ATOSA: variants seen among roughly 807,000 people sequenced by gnomAD.
ATOSA encodes the protein atos homolog A.
the ATOSA span, among the ~76,000 whole-genome samples, chr15:52,593,014 G>A: frequency 6.6e-6 from 1 of 152,048 alleles, no homozygotes; most frequent in Non-Finnish European, 1.5e-5. Context: ...GCATGGTGGC[G>A]CATATCTGTA....
chr15:52,643,349 T>C, the ATOSA span, among the ~76,000 whole-genome samples: 1 of 152,132 alleles, frequency 6.6e-6, no homozygotes, highest in African/African-American at 2.4e-5. Flanking sequence ...TGGAGTACAG[T>C]GGCACAATCA....
chr15:52,634,389 G>A, the ATOSA span, among the ~76,000 whole-genome samples: 1 of 151,982 alleles, frequency 6.6e-6, no homozygotes, highest in Admixed American at 6.6e-5. Context: ...GGGTGACAAA[G>A]CGAGGAAAAA....
chr15:52,591,849 G>T, the ATOSA span, among the ~76,000 whole-genome samples: 1 of 152,188 alleles, frequency 6.6e-6, no homozygotes, highest in Non-Finnish European at 1.5e-5. Flanking sequence ...GGGCAGGTTT[G>T]TGAAGGGGGC....
the ATOSA span, among the ~76,000 whole-genome samples, chr15:52,636,487 C>G: frequency 6.6e-6 from 1 of 152,130 alleles, no homozygotes; most frequent in Admixed American, 6.5e-5. Context: ...TCCCGTACAA[C>G]TGGGAATATA....
At chr15:52,676,517 G>GA in the ATOSA span, among the ~76,000 whole-genome samples, 11,801 of 150,126 alleles carry the variant, frequency 0.079, 734 homozygotes, top group East Asian at 0.27. Flanking sequence ...TTTAGTAAAA[G>GA]AAAAAAAAAG....
chr15:52,583,954 C>T, the ATOSA span, among the ~76,000 whole-genome samples: 1 of 151,924 alleles, frequency 6.6e-6, no homozygotes, highest in Non-Finnish European at 1.5e-5. Context: ...CACTCCAGAA[C>T]ACCACTGCAA....
the ATOSA span, among the ~76,000 whole-genome samples, chr15:52,616,657 C>G: frequency 3.3e-5 from 5 of 152,170 alleles, no homozygotes; most frequent in Non-Finnish European, 5.9e-5. Flanking sequence ...CATCCTGGGT[C>G]AGTCTATTTC....
chr15:52,632,033 T>C, the ATOSA span, among the ~76,000 whole-genome samples: 1 of 152,152 alleles, frequency 6.6e-6, no homozygotes. Flanking sequence ...AGGCTGACAG[T>C]GCTGGGATTA....
the ATOSA span, among the ~76,000 whole-genome samples, chr15:52,697,613 C>A: frequency 6.1e-4 from 92 of 151,990 alleles, no homozygotes; most frequent in African/African-American, 2.0e-3. Flanking sequence ...AGGTTAAGAA[C>A]ATAATGTTAC....
chr15:52,616,966 T>C, the ATOSA span, among the ~76,000 whole-genome samples: 1 of 152,266 alleles, frequency 6.6e-6, no homozygotes, highest in Non-Finnish European at 1.5e-5. Flanking sequence ...AGTGAATTGT[T>C]TGTAATCAAA....
chr15:52,687,309 G>A, the ATOSA span, among the ~76,000 whole-genome samples: 1 of 152,232 alleles, frequency 6.6e-6, no homozygotes, highest in Non-Finnish European at 1.5e-5. Flanking sequence ...GGAGGCTGAG[G>A]CAGGAAAATG....
the ATOSA span, among the ~76,000 whole-genome samples, chr15:52,651,350 T>A: frequency 6.6e-6 from 1 of 152,210 alleles, no homozygotes; most frequent in Non-Finnish European, 1.5e-5. Flanking sequence ...TTTTCAGAAA[T>A]GCTTTATAAA....
chr15:52,677,770 G>A, the ATOSA span, among the ~76,000 whole-genome samples: 1 of 152,168 alleles, frequency 6.6e-6, no homozygotes, highest in African/African-American at 2.4e-5. Flanking sequence ...TTCATTTTGA[G>A]ATACACTAGA....
chr15:52,701,228 C>T, the ATOSA span, among the ~76,000 whole-genome samples: 1 of 152,162 alleles, frequency 6.6e-6, no homozygotes, highest in Non-Finnish European at 1.5e-5. Context: ...CCTTGTAATC[C>T]AAGCACTTCA....
chr15:52,656,242 A>C, the ATOSA span: 1 of 152,144 alleles, frequency 6.6e-6, no homozygotes, highest in East Asian at 1.9e-4. Flanking sequence ...CAGTTGTGGA[A>C]AATACAGAAA....
the ATOSA span, chr15:52,605,122 A>C: frequency 9.5e-6 from 15 of 1,583,580 alleles, no homozygotes; most frequent in Non-Finnish European, 1.3e-5. Flanking sequence ...GATAAGAAAA[A>C]AAATGCTTAC....
the ATOSA span, among the ~76,000 whole-genome samples, chr15:52,691,835 AAAAT>A: frequency 1.2e-3 from 157 of 134,944 alleles, 3 homozygotes; most frequent in Non-Finnish European, 7.0e-4. Context: ...ACCTGTGTCA[AAAAT>A]AAATAAATAA....
chr15:52,643,055 A>G, the ATOSA span, among the ~76,000 whole-genome samples: 1 of 152,094 alleles, frequency 6.6e-6, no homozygotes, highest in African/African-American at 2.4e-5. Context: ...CAGGGCCACC[A>G]CAAGATGCCC....
At chr15:52,609,619 G>A in the ATOSA span, 2 of 1,612,624 alleles carry the variant, frequency 1.2e-6, no homozygotes, top group African/African-American at 2.7e-5. Flanking sequence ...ACTAAACTCT[G>A]GACTACCAAA....
Sources: gnomAD v4.1 joint callset for allele counts (sites outside exome capture counted in the v4.1 genomes callset) on GRCh38, gnomAD v4.1.1 for gene constraint, MANE v1.5 for transcripts, NCBI Gene and HGNC (gene_info 2026-07-23, HGNC 2026-07-21) for gene names.